The following MYO1D variants were observed in gnomAD, a reference collection of about 807,000 sequenced individuals.
MYO1D encodes the protein unconventional myosin-Id.
A neutral mutation model predicts 122.0 loss-of-function variants in MYO1D; 83 were observed. That is an observed-to-expected ratio of 0.68 (90% CI 0.57 to 0.82). The LOEUF is 0.82. Among genes scored for constraint, MYO1D ranks in the 40% least tolerant of loss-of-function variants. The pLI, the probability that MYO1D is intolerant of heterozygous loss-of-function variation, is 0.00. For synonymous variants in MYO1D, 464 were observed against 446.9 expected, an observed-to-expected ratio of 1.04 and a Z score of -0.48; for missense variants, 1,157 against 1,269.5, an observed-to-expected ratio of 0.91 and a Z score of 1.35.
chr17:32,835,389 T>C (rs1366984669), intron 1 of MYO1D, among the ~76,000 whole-genome samples: 1 of 152,202 alleles, frequency 6.6e-6, no homozygotes, highest in East Asian at 1.9e-4. Flanking sequence ...TCTGTTATCA[T>C]TTGCATAGCT....
intron 21 of MYO1D, among the ~76,000 whole-genome samples, chr17:32,524,709 C>CCTG (rs1491157410): frequency 3.9e-5 from 6 of 151,954 alleles, no homozygotes; most frequent in Non-Finnish European, 8.8e-5. Flanking sequence ...ATTACAGGTG[C>CCTG]CCACCACCAT....
intron 20 of MYO1D, among the ~76,000 whole-genome samples, chr17:32,624,467 A>G (rs144420468): frequency 3.4e-3 from 516 of 152,228 alleles, no homozygotes; most frequent in African/African-American, 0.012. Context: ...AGGCCATTCT[A>G]ATGTGCAGCT....
chr17:32,721,697 C>T (rs961310643), intron 14 of MYO1D, among the ~76,000 whole-genome samples: 5 of 152,138 alleles, frequency 3.3e-5, no homozygotes, highest in African/African-American at 9.7e-5. Flanking sequence ...TTTGCACTTT[C>T]GGAAAAGAGA....
chr17:32,678,287 T>G (rs1291303835), intron 16 of MYO1D, among the ~76,000 whole-genome samples: 3 of 152,144 alleles, frequency 2.0e-5, no homozygotes, highest in African/African-American at 7.2e-5. Flanking sequence ...CTTTACGTTT[T>G]AGGGTACATG....
At chr17:32,761,170 G>A (rs1019410791) in intron 8 of MYO1D, among the ~76,000 whole-genome samples, 4 of 152,130 alleles carry the variant, frequency 2.6e-5, no homozygotes, top group Non-Finnish European at 5.9e-5. Flanking sequence ...GGTGCCACAC[G>A]CTAACACACA....
chr17:32,512,287 T>C (rs1406730391), intron 21 of MYO1D, among the ~76,000 whole-genome samples: 12 of 146,116 alleles, frequency 8.2e-5, no homozygotes, highest in Non-Finnish European at 1.8e-4. Flanking sequence ...GCGACAAGAG[T>C]GAAACTCTTA....
intron 1 of MYO1D, among the ~76,000 whole-genome samples, chr17:32,790,255 T>C (rs1375898498): frequency 2.0e-5 from 3 of 152,158 alleles, no homozygotes; most frequent in Non-Finnish European, 4.4e-5. Context: ...CCTTAAATCT[T>C]TTCAATGGGA....
chr17:32,725,671 A>C (rs1393755403), intron 14 of MYO1D, among the ~76,000 whole-genome samples: 1 of 152,118 alleles, frequency 6.6e-6, no homozygotes, highest in Admixed American at 6.6e-5. Flanking sequence ...AGTGAGATGG[A>C]GTTCTAAAGG....
In MYO1D at chr17:32,749,040, A is replaced by G. The variant is rs760530813; in HGVS notation, c.1468-34T>C. ...TCAAGAAGGATATTATTTTGAAAAC[A>G]GACATTTTTGCTTTCCTAAAAATAT... is the stretch of plus-strand genomic sequence containing the variant. On this transcript the variant is annotated intron_variant, in intron 11 of 21. Coordinates refer to ENST00000318217, the MANE Select transcript of MYO1D (RefSeq NM_015194.3). 3 of 1,571,784 alleles carry G rather than the reference A, an allele frequency of 1.9e-6. No individual in the cohort carries two copies. The African/African-American group carries it at 4.1e-5, about 21-fold the overall frequency.
intron 21 of MYO1D, among the ~76,000 whole-genome samples, chr17:32,556,253 A>G (rs1007271912): frequency 6.6e-6 from 1 of 152,170 alleles, no homozygotes; most frequent in Non-Finnish European, 1.5e-5. Context: ...TCTCTTACCT[A>G]TATTTTTCTA....
chr17:32,759,499 A>G (rs944632724), intron 10 of MYO1D, among the ~76,000 whole-genome samples: 2 of 152,214 alleles, frequency 1.3e-5, no homozygotes, highest in African/African-American at 2.4e-5. Flanking sequence ...AGGATGAACA[A>G]TCATATAAAC....
At chr17:32,799,425 A>C (rs2090443118) in intron 1 of MYO1D, among the ~76,000 whole-genome samples, 1 of 152,212 alleles carries the variant, frequency 6.6e-6, no homozygotes, top group Non-Finnish European at 1.5e-5. Context: ...TTGTTCTAAA[A>C]AAATAGCTGT....
At chr17:32,697,061 A>G (rs904638793) in intron 16 of MYO1D, among the ~76,000 whole-genome samples, 23 of 152,198 alleles carry the variant, frequency 1.5e-4, no homozygotes, top group Non-Finnish European at 1.0e-4. Context: ...TCCCCAGCTC[A>G]GGTAGGTGCC....
At chr17:32,818,125 CAA>C (rs58466009) in intron 1 of MYO1D, among the ~76,000 whole-genome samples, 472 of 45,992 alleles carry the variant, frequency 0.01, 16 homozygotes, top group African/African-American at 0.027. Flanking sequence ...GACTCCGTCT[CAA>C]AAAAAAAAAA....
At position 32,840,372 on chromosome 17, in the gene MYO1D, T is replaced by C. The variant is rs138671387; in HGVS notation, c.95+36406A>G. Among the ~76,000 whole-genome samples, 555 of 150,198 alleles carry C rather than the reference T, an allele frequency of 3.7e-3. 3 individuals carry two copies. The highest frequency in any genetic ancestry group is 0.013 in the African/African-American group (518 of 40,714). Reference sequence around the variant, plus strand: ...TCTCAACGTGGGAGTGATTTACAAGTATGACCTCTCAGAACACTGCAGAGT... The same window carrying C: ...TCTCAACGTGGGAGTGATTTACAAGCATGACCTCTCAGAACACTGCAGAGT... On this transcript the variant is annotated intron_variant, in intron 1 of 21. Transcript: ENST00000318217.
In MYO1D at chr17:32,605,179, G is replaced by T; in HGVS notation, c.2772C>A (p.Asn924Lys). Residue 924 changes from asparagine (N) to lysine (K), a missense_variant, in exon 21 of 22, where the codon AAC (asparagine) becomes AAA (lysine). Physicochemically the swap from Asn to Lys is moderately conservative, Grantham distance 94 (BLOSUM62 0). Coordinates refer to ENST00000318217, the MANE Select transcript of MYO1D (RefSeq NM_015194.3). ...TGAAGAGGCAGACAATGAGGTCTTT[G>T]TTGTCTTTCGTATGGAACACTACAA... ...DQLVVFHTKD[N>K]KDLIVCLFSK... is the part of the protein sequence containing the mutation. The T allele has an allele frequency of 6.2e-7, 1 of 1,609,794 alleles. No homozygotes were observed. The highest frequency in any genetic ancestry group is 1.1e-5 in the South Asian group (1 of 90,562).
Position 32,749,004 on chromosome 17 carries a change from G to C in MYO1D, c.1470C>G (p.Leu490=), listed in dbSNP as rs2089870179. 2 of 1,611,862 alleles carry C rather than the reference G, an allele frequency of 1.2e-6. No individual in the cohort carries two copies. Among genetic ancestry groups the C allele is most frequent in the Non-Finnish European group, 8.5e-7 (1 of 1,178,122 alleles). Residue 490 remains leucine, a splice_region_variant and synonymous_variant, in exon 12 of 22, where the codon CTC becomes CTG. Transcript: ENST00000318217. ...ACTCCAGAATTTTGTCTGAGGCACA[G>C]AGCTAAGGAATCAAGAAGGATATTA... is the stretch of plus-strand genomic sequence containing the variant. The part of the protein sequence containing the change: ...GKHAHFSSRK[L]CASDKILEFD...
chr17:32,659,310 C>T lies in MYO1D; in HGVS notation c.2150G>A (p.Arg717Gln), dbSNP rs1227013396. 5.0e-6 allele frequency: 8 copies of T among 1,614,108 alleles called. No individual in the cohort carries two copies. Among genetic ancestry groups the T allele is most frequent in the South Asian group, 1.1e-5 (1 of 91,062 alleles). Residue 717 changes from arginine (R) to glutamine (Q), a missense_variant, in exon 17 of 22, where the codon CGG becomes CAG. By Grantham distance (43) the Arg-to-Gln change is conservative. Transcript: ENST00000318217. ...KVWRGTLARMRYKRTKAALTI... is the reference protein window; with the variant it reads ...KVWRGTLARMQYKRTKAALTI... ...CAGAGCTGCCTTGGTTCTTTTGTAC[C>T]GCATGCGGGCCAGGGTGCCCCGCCA...
At chr17:32,670,689 TC>T (rs1196128178) in intron 16 of MYO1D, among the ~76,000 whole-genome samples, 1 of 152,236 alleles carries the variant, frequency 6.6e-6, no homozygotes, top group Non-Finnish European at 1.5e-5. Context: ...TTACACCATG[TC>T]CACTTTCGAC....
Sources: allele counts gnomAD v4.1 joint callset (sites outside exome capture counted in the v4.1 genomes callset), GRCh38; gene constraint gnomAD v4.1.1; transcripts MANE v1.5; gene names NCBI Gene and HGNC (gene_info 2026-07-23, HGNC 2026-07-21).